Variants in DNAJC13 observed in about 807,000 individuals in gnomAD.
The protein encoded by DNAJC13 is dnaJ homolog subfamily C member 13.
Under a neutral mutation model 290.5 loss-of-function variants are expected in DNAJC13, and 75 were observed. That is an observed-to-expected ratio of 0.26 (90% CI 0.21 to 0.31). The LOEUF (loss-of-function observed/expected upper bound fraction) is 0.31, where lower values mean the gene tolerates loss of function less well. Ranked by LOEUF, DNAJC13 falls within the 10% of genes least tolerant of loss-of-function variation. DNAJC13 has a pLI of 1.00. For missense variants in DNAJC13, 2,260 were observed against 2,674.5 expected (o/e 0.85, Z 3.42); for synonymous variants, 862 against 892.0 (o/e 0.97, Z 0.60).
chr3:132,464,578 T>C (rs1261085266), intron 17 of DNAJC13, among the ~76,000 whole-genome samples: 2 of 152,206 alleles, frequency 1.3e-5, no homozygotes, highest in African/African-American at 4.8e-5. Context: ...TGTGCAGTTA[T>C]TATACATCAT....
At chr3:132,504,370 G>A (rs1249529795) in intron 41 of DNAJC13, among the ~76,000 whole-genome samples, 3 of 148,984 alleles carry the variant, frequency 2.0e-5, no homozygotes, top group South Asian at 2.1e-4. Context: ...AACACTAGAC[G>A]ACCAGGGACC....
At chr3:132,494,051 T>G (rs1935149904) in intron 33 of DNAJC13, 93 bp from the exon 34 acceptor site, 14 of 867,700 alleles carry the variant, frequency 1.6e-5, no homozygotes, top group Non-Finnish European at 2.3e-5. Context: ...AAAGTATCCA[T>G]TTAAATAAAT....
chr3:132,425,656 T>C (rs545317268), intron 1 of DNAJC13, among the ~76,000 whole-genome samples: 4 of 152,306 alleles, frequency 2.6e-5, no homozygotes, highest in South Asian at 4.1e-4. Context: ...CTGCAAGTTG[T>C]CATATTTGTG....
chr3:132,432,007 G>A (rs1421398552), intron 1 of DNAJC13, among the ~76,000 whole-genome samples: 1 of 152,010 alleles, frequency 6.6e-6, no homozygotes, highest in African/African-American at 2.4e-5. Context: ...TGAATTTGTG[G>A]TATGTGAATT....
intron 1 of DNAJC13, among the ~76,000 whole-genome samples, chr3:132,433,125 A>T (rs1375428931): frequency 6.6e-6 from 1 of 152,252 alleles, no homozygotes; most frequent in African/African-American, 2.4e-5. Flanking sequence ...TTCTAAATAT[A>T]AAAAGGAAGG....
At position 132,516,822 on chromosome 3, in the gene DNAJC13, C is replaced by T. The variant is rs1396411746; in HGVS notation, c.5673+6C>T. 1.9e-6 allele frequency: 3 copies of T among 1,598,486 alleles called. No homozygotes were observed. The highest frequency in any genetic ancestry group is 3.4e-5 in the Admixed American group (2 of 58,056). ...ATAAACTGATAGGTCCAAAGGTAGG[C>T]ACAAAATAAGTTCTTGAAAGGAAAT... On this transcript the variant is annotated splice_donor_region_variant and intron_variant, in intron 48 of 55. Transcript: ENST00000260818.
chr3:132,526,949 C>A (rs1936277436), intron 53 of DNAJC13, among the ~76,000 whole-genome samples: 1 of 152,086 alleles, frequency 6.6e-6, no homozygotes, highest in African/African-American at 2.4e-5. Context: ...TTACTAGAGG[C>A]TGGGGTTGGG....
chr3:132,488,387 T>G lies in DNAJC13; in HGVS notation c.3357T>G (p.Leu1119=). The part of the protein sequence containing the change: ...IMQDNPQLPR[L]YLSGVFFFIM... The stretch of plus-strand genomic sequence containing the variant: ...AAGATAACCCACAGTTACCCCGCCT[T>G]TATCTGAGTGGAGTATTTTTCTTTA... The change falls in exon 30 of 56, where the codon CTT becomes CTG. Residue 1119 remains leucine (L), a synonymous_variant. Coordinates refer to ENST00000260818, the MANE Select transcript of DNAJC13 (RefSeq NM_015268.4). The G allele has an allele frequency of 1.2e-6, 2 of 1,613,722 alleles. No individual in the cohort carries two copies. The highest frequency in any genetic ancestry group is 1.7e-6 in the Non-Finnish European group (2 of 1,179,798).
intron 1 of DNAJC13, among the ~76,000 whole-genome samples, chr3:132,419,012 A>G (rs1469268057): frequency 6.6e-6 from 1 of 152,260 alleles, no homozygotes; most frequent in African/African-American, 2.4e-5. Flanking sequence ...TCTATCATAT[A>G]ACGTAAAACC....
chr3:132,460,400 A>G (rs1401689763), intron 14 of DNAJC13, 43 bp downstream of exon 14: 5 of 1,353,974 alleles, frequency 3.7e-6, no homozygotes, highest in African/African-American at 1.5e-5. Flanking sequence ...ATACCATACC[A>G]TTATTGAAAG....
chr3:132,537,207 C>T (rs762743823), intron 55 of DNAJC13: 51 of 456,168 alleles, frequency 1.1e-4, no homozygotes, highest in Middle Eastern at 3.2e-4. Context: ...ACCTCAGGAG[C>T]GGGCTTTAGA....
chr3:132,474,910 T>C (rs1485959378), intron 21 of DNAJC13, 22 bp from the exon 22 acceptor site: 5 of 1,436,684 alleles, frequency 3.5e-6, no homozygotes, highest in Non-Finnish European at 1.9e-6. Context: ...TCCTGCTATT[T>C]CCTCATTATA....
rs776885350 is a variant in DNAJC13, at chr3:132,491,066, G to T, written c.3623+15G>T. On this transcript the variant is annotated intron_variant, in intron 32 of 55. Transcript: ENST00000260818. Reference sequence around the variant, plus strand: ...AGTGAAATGAGGTAAATAACCAGTTGACTGATTGATTTGTATTTTATAATT... The same window carrying T: ...AGTGAAATGAGGTAAATAACCAGTTTACTGATTGATTTGTATTTTATAATT... The T allele has an allele frequency of 6.3e-6, 10 of 1,577,718 alleles. No individual in the cohort carries two copies. The highest frequency in any genetic ancestry group is 1.9e-5 in the Admixed American group (1 of 52,278).
At chr3:132,424,382 A>T (rs1939038668) in intron 1 of DNAJC13, among the ~76,000 whole-genome samples, 1 of 152,150 alleles carries the variant, frequency 6.6e-6, no homozygotes, top group Non-Finnish European at 1.5e-5. Context: ...TACTTGATTT[A>T]TACTGTTGAA....
At position 132,528,257 on chromosome 3, in the gene DNAJC13, C is replaced by T; in HGVS notation, c.6450C>T (p.Asp2150=). 1.2e-6 allele frequency: 2 copies of T among 1,614,190 alleles called. No individual in the cohort carries two copies. Among genetic ancestry groups the T allele is most frequent in the Non-Finnish European group, 1.7e-6 (2 of 1,180,018 alleles). The stretch of plus-strand genomic sequence containing the variant: ...AAGGCATTGGCCTTGAAAACCTGGA[C>T]AGCCCAGCAGCCACTAAGGCTCAGA... ...LLEGIGLENL[D]SPAATKAQIV... Residue 2150 remains aspartate (D), a synonymous_variant, in exon 54 of 56, where the codon GAC becomes GAT. Transcript: ENST00000260818.
In DNAJC13 at chr3:132,492,615, G is replaced by A. The variant is rs757756522; in HGVS notation, c.3825G>A (p.Pro1275=). 13 of 1,612,828 alleles carry A rather than the reference G, an allele frequency of 8.1e-6. No individual in the cohort carries two copies. Among genetic ancestry groups the A allele is most frequent in the Admixed American group, 1.7e-5 (1 of 59,960 alleles). Residue 1275 remains proline, a splice_region_variant and synonymous_variant, in exon 33 of 56, where the codon CCG becomes CCA. Transcript: ENST00000260818. ...TTCCAGATTGGCCAATTAAAGACCCGGTAAGTCAGCAGTTTAATTTGTGCC... is the reference window on the plus strand; with the variant it reads ...TTCCAGATTGGCCAATTAAAGACCCAGTAAGTCAGCAGTTTAATTTGTGCC... The part of the protein sequence containing the change: ...LRFPDWPIKD[P]VKLLKDTLDA...
intron 28 of DNAJC13, 27 bp downstream of exon 28, chr3:132,483,604 G>C: frequency 6.2e-7 from 1 of 1,601,768 alleles, no homozygotes; most frequent in Middle Eastern, 1.7e-4. Flanking sequence ...TGTTTCCATG[G>C]TTAATTGATA....
intron 2 of DNAJC13, among the ~76,000 whole-genome samples, chr3:132,445,831 T>C (rs1933228950): frequency 6.6e-6 from 1 of 152,088 alleles, no homozygotes; most frequent in Non-Finnish European, 1.5e-5. Context: ...TCAATTTCCT[T>C]TTATGATTAT....
chr3:132,534,414 T>C (rs1243430759), intron 55 of DNAJC13, among the ~76,000 whole-genome samples: 1 of 152,164 alleles, frequency 6.6e-6, no homozygotes, highest in Non-Finnish European at 1.5e-5. Flanking sequence ...CCAGCAATTT[T>C]GGAGGCCAAG....
Sources: gnomAD v4.1 joint callset for allele counts (sites outside exome capture counted in the v4.1 genomes callset) on GRCh38, gnomAD v4.1.1 for gene constraint, MANE v1.5 for transcripts, NCBI Gene and HGNC (gene_info 2026-07-23, HGNC 2026-07-21) for gene names.